The following CNGB3 variants were observed in gnomAD, a reference collection of about 807,000 sequenced individuals.
CNGB3 encodes the protein cyclic nucleotide gated channel subunit beta 3.
CNGB3 carries 86 observed loss-of-function variants against 92.8 expected under a neutral mutation model. That is an observed-to-expected ratio of 0.93 (90% CI 0.78 to 1.11). The LOEUF (loss-of-function observed/expected upper bound fraction) is 1.11, where lower values mean the gene tolerates loss of function less well. Among genes scored for constraint, CNGB3 ranks in the 50% least tolerant of loss-of-function variants. The pLI, the probability that CNGB3 is intolerant of heterozygous loss-of-function variation, is 0.00. For missense variants in CNGB3, 1,026 were observed against 956.8 expected (o/e 1.07, Z -0.95); for synonymous variants, 333 against 332.7 (o/e 1.00, Z -0.01).
intron 3 of CNGB3, among the ~76,000 whole-genome samples, chr8:86,701,431 C>T (rs1436340635): frequency 3.9e-5 from 6 of 152,066 alleles, no homozygotes; most frequent in Non-Finnish European, 8.8e-5. Flanking sequence ...TGAAGTGGGG[C>T]ACAGAAGACA....
intron 3 of CNGB3, among the ~76,000 whole-genome samples, chr8:86,691,952 T>G (rs917393048): frequency 3.9e-5 from 6 of 152,198 alleles, no homozygotes; most frequent in Non-Finnish European, 7.3e-5. Flanking sequence ...TCAAATAATT[T>G]TTTAATGTTC....
At chr8:86,653,248 A>G (rs768101803) in intron 7 of CNGB3, among the ~76,000 whole-genome samples, 5 of 152,130 alleles carry the variant, frequency 3.3e-5, no homozygotes, top group African/African-American at 7.2e-5. Context: ...CTCTTTGTAG[A>G]ATTCATCAAA....
At chr8:86,685,986 A>G (rs1824181203) in intron 3 of CNGB3, among the ~76,000 whole-genome samples, 1 of 152,098 alleles carries the variant, frequency 6.6e-6, no homozygotes, top group Admixed American at 6.6e-5. Context: ...AAGTAAACTA[A>G]TATTTTACAG....
At chr8:86,698,684 G>A (rs1013287639) in intron 3 of CNGB3, among the ~76,000 whole-genome samples, 5 of 152,144 alleles carry the variant, frequency 3.3e-5, no homozygotes, top group Non-Finnish European at 7.3e-5. Context: ...GATAGAGTGA[G>A]GTAGGTGGTG....
In CNGB3 at chr8:86,623,254, T is replaced by C. The variant is rs1451714065; in HGVS notation, c.1578+2729A>G. Among the ~76,000 whole-genome samples the C allele has an allele frequency of 2.6e-5, 4 of 152,270 alleles. No individual in the cohort carries two copies. The East Asian group carries it at 7.7e-4, about 29-fold the overall frequency. ...AGATTTATAAACCAAACTGCCTACA[T>C]GAAATTTTCAACTGGAATCTAACAG... On this transcript the variant is annotated intron_variant, in intron 13 of 17. Coordinates refer to ENST00000320005, the MANE Select transcript of CNGB3 (RefSeq NM_019098.5).
chr8:86,654,057 A>T lies in CNGB3; in HGVS notation c.858T>A (p.Asp286Glu). The T allele has an allele frequency of 6.3e-7, 1 of 1,585,606 alleles. No individual in the cohort carries two copies. Among genetic ancestry groups the T allele is most frequent in the Non-Finnish European group, 8.7e-7 (1 of 1,154,428 alleles). ...TGTAGTGTTTCCTTAGCTCATTTGA[A>T]TCCACCTGAAAGATATTTGTATTTT... Reference protein sequence around the residue: ...QFVRGGDIIVDSNELRKHYRT... With the variant: ...QFVRGGDIIVESNELRKHYRT... Residue 286 changes from aspartate to glutamate, a missense_variant, in exon 7 of 18, where the codon GAT becomes GAA. Coordinates refer to ENST00000320005, the MANE Select transcript of CNGB3 (RefSeq NM_019098.5).
intron 14 of CNGB3, among the ~76,000 whole-genome samples, chr8:86,607,948 C>A (rs1484515525): frequency 6.6e-6 from 1 of 152,198 alleles, no homozygotes; most frequent in African/African-American, 2.4e-5. Flanking sequence ...AGCCTTTCTT[C>A]TCTGTCAATA....
chr8:86,714,909 G>A (rs1024055490), intron 3 of CNGB3, among the ~76,000 whole-genome samples: 2 of 152,008 alleles, frequency 1.3e-5, no homozygotes, highest in Admixed American at 6.6e-5. Context: ...ACTCAGCAGA[G>A]GCAGCCATAA....
At chr8:86,623,799 C>G (rs1822789853) in intron 13 of CNGB3, among the ~76,000 whole-genome samples, 1 of 152,166 alleles carries the variant, frequency 6.6e-6, no homozygotes, top group Non-Finnish European at 1.5e-5. Context: ...GTTCCTCAGG[C>G]CTAAATCCTT....
At chr8:86,731,953 A>G (rs1162691811) in intron 2 of CNGB3, among the ~76,000 whole-genome samples, 3 of 152,210 alleles carry the variant, frequency 2.0e-5, no homozygotes, top group African/African-American at 7.2e-5. Context: ...GAACCAGAAA[A>G]TCGTAATGCA....
intron 2 of CNGB3, among the ~76,000 whole-genome samples, chr8:86,738,205 A>AT (rs35163230): frequency 0.75 from 112,894 of 151,454 alleles, 42,437 homozygotes; most frequent in African/African-American, 0.84. Flanking sequence ...TCATTTTTGT[A>AT]TTTATTTGGT....
At chr8:86,644,528 T>G in intron 9 of CNGB3, 94 bp downstream of exon 9, 1 of 1,503,992 alleles carries the variant, frequency 6.6e-7, no homozygotes, top group Non-Finnish European at 9.0e-7. Flanking sequence ...TATCCTTTTT[T>G]TGAAGAGGGG....
chr8:86,717,714 C>T (rs552338668), intron 3 of CNGB3, among the ~76,000 whole-genome samples: 3 of 152,246 alleles, frequency 2.0e-5, no homozygotes, highest in South Asian at 2.1e-4. Context: ...AATATACATT[C>T]TATTCATCAG....
chr8:86,626,045 C>G lies in CNGB3; in HGVS notation c.1516G>C (p.Val506Leu). ...SDLLKTLPTT[V>L]QLALAIDVNF... ...ACATCAATGGCGAGGGCTAACTGGA[C>G]CGTAGTTGGTAGGGTCTTAAGCAAA... is the stretch of plus-strand genomic sequence containing the variant. Residue 506 changes from valine (V) to leucine (L), a missense_variant, in exon 13 of 18, where the codon GTC (valine) becomes CTC (leucine). Val to Leu is a conservative substitution (Grantham distance 32). Coordinates refer to ENST00000320005, the MANE Select transcript of CNGB3 (RefSeq NM_019098.5). 1 of 1,613,706 alleles carries G rather than the reference C, an allele frequency of 6.2e-7. No homozygotes were observed. The highest frequency in any genetic ancestry group is 8.5e-7 in the Non-Finnish European group (1 of 1,179,840).
Position 86,668,010 on chromosome 8 carries a change from T to G in CNGB3, c.643+9A>C. 6.2e-7 allele frequency: 1 copy of G among 1,614,026 alleles called. No homozygotes were observed. Among genetic ancestry groups the G allele is most frequent in the Non-Finnish European group, 8.5e-7 (1 of 1,179,950 alleles). On this transcript the variant is annotated intron_variant, in intron 5 of 17. Coordinates refer to ENST00000320005, the MANE Select transcript of CNGB3 (RefSeq NM_019098.5). ...CCTCCCACTATGATAATTCACCCTT[T>G]GATAATACCTGTGTATGAATCTATG...
chr8:86,691,853 A>G (rs987490108), intron 3 of CNGB3, among the ~76,000 whole-genome samples: 1 of 152,068 alleles, frequency 6.6e-6, no homozygotes, highest in African/African-American at 2.4e-5. Flanking sequence ...TTCTTGTTGC[A>G]GGTATTTAAT....
intron 15 of CNGB3, chr8:86,593,617 G>T: frequency 2.2e-6 from 1 of 447,502 alleles, no homozygotes; most frequent in South Asian, 2.7e-5. Context: ...AGAGGTGGTG[G>T]CTATAAGGGG....
intron 3 of CNGB3, among the ~76,000 whole-genome samples, chr8:86,720,271 A>G (rs1240807959): frequency 2.6e-5 from 4 of 152,232 alleles, no homozygotes; most frequent in African/African-American, 9.7e-5. Flanking sequence ...TAATATCCAG[A>G]ATCTGCAAGG....
chr8:86,677,989 C>T (rs927614564), intron 3 of CNGB3, among the ~76,000 whole-genome samples: 8 of 151,940 alleles, frequency 5.3e-5, no homozygotes, highest in South Asian at 2.1e-4. Flanking sequence ...CATTTTTCAG[C>T]GACTTATTTC....
Sources: allele counts gnomAD v4.1 joint callset (sites outside exome capture counted in the v4.1 genomes callset), GRCh38; gene constraint gnomAD v4.1.1; transcripts MANE v1.5; gene names NCBI Gene and HGNC (gene_info 2026-07-23, HGNC 2026-07-21).